GLIPR1L1: variants seen among roughly 807,000 people sequenced by gnomAD.
GLIPR1L1 encodes GLIPR1-like protein 1.
GLIPR1L1 carries 26 observed loss-of-function variants against 29.9 expected under a neutral mutation model. The observed-to-expected ratio is 0.87, with a 90% CI of 0.64 to 1.21. The LOEUF (loss-of-function observed/expected upper bound fraction) is 1.21, where lower values mean the gene tolerates loss of function less well. Among genes scored for constraint, GLIPR1L1 ranks in the 50% most tolerant of loss-of-function variants. The pLI, the probability that GLIPR1L1 is intolerant of heterozygous loss-of-function variation, is 0.00. For synonymous variants in GLIPR1L1, 77 were observed against 97.5 expected (o/e 0.79, Z 1.24); for missense variants, 305 against 290.3 (o/e 1.05, Z -0.37).
chr12:75,368,688 T>C (rs2139682568), intron 4 of GLIPR1L1, among the ~76,000 whole-genome samples: 1 of 152,124 alleles, frequency 6.6e-6, no homozygotes, highest in Middle Eastern at 3.4e-3. Context: ...GACTTCAAGT[T>C]TGTATTAGAC....
intron 4 of GLIPR1L1, 123 bp downstream of exon 4, chr12:75,363,313 A>T (rs2139621114): frequency 2.4e-6 from 1 of 422,426 alleles, no homozygotes; most frequent in East Asian, 3.8e-5. Context: ...TTGTTATCTT[A>T]CGATATAAAT....
intron 3 of GLIPR1L1, among the ~76,000 whole-genome samples, chr12:75,359,121 A>C (rs942118822): frequency 3.3e-5 from 5 of 150,494 alleles, no homozygotes; most frequent in African/African-American, 9.7e-5. Flanking sequence ...TAGGATACAA[A>C]ATTAGTATAC....
chr12:75,342,228 A>G (rs1371424749), intron 1 of GLIPR1L1, among the ~76,000 whole-genome samples: 2 of 152,200 alleles, frequency 1.3e-5, no homozygotes, highest in Non-Finnish European at 2.9e-5. Flanking sequence ...TTCAATTTAT[A>G]CATGTGATAA....
intron 1 of GLIPR1L1, among the ~76,000 whole-genome samples, chr12:75,339,316 A>G (rs1156570923): frequency 1.3e-5 from 2 of 152,076 alleles, no homozygotes; most frequent in Admixed American, 1.3e-4. Flanking sequence ...GATGGTATCC[A>G]ATTGTGGTTT....
chr12:75,337,446 A>G (rs566323522), intron 1 of GLIPR1L1, among the ~76,000 whole-genome samples: 13 of 152,060 alleles, frequency 8.5e-5, no homozygotes, highest in African/African-American at 2.6e-4. Flanking sequence ...ATGGATAGAT[A>G]GAGAATATTT....
Position 75,370,160 on chromosome 12 carries a change from T to C in GLIPR1L1, c.713T>C (p.Leu238Pro), listed in dbSNP as rs755383804. 8 of 1,560,392 alleles carry C rather than the reference T, an allele frequency of 5.1e-6. No individual in the cohort carries two copies. The highest frequency in any genetic ancestry group is 7.1e-6 in the Non-Finnish European group (8 of 1,133,314). Residue 238 changes from leucine to proline, a missense_variant, in exon 6 of 6, where the codon CTT (leucine) becomes CCT (proline). Transcript: ENST00000378695. ...AATCCATTCAGCTTAGGTTTTCTTCTTCTGAGAATCTTTTAATGTCATTTA... is the reference window on the plus strand; with the variant it reads ...AATCCATTCAGCTTAGGTTTTCTTCCTCTGAGAATCTTTTAATGTCATTTA... ...AFNPFSLGFLLLRIF is the reference protein window; with the variant it reads ...AFNPFSLGFLPLRIF
chr12:75,368,473 C>T (rs759858696), intron 4 of GLIPR1L1, among the ~76,000 whole-genome samples: 5 of 151,492 alleles, frequency 3.3e-5, no homozygotes, highest in South Asian at 2.1e-4. Context: ...TGTAAAATTT[C>T]GAAAGGTACC....
intron 3 of GLIPR1L1, 122 bp downstream of exon 3, chr12:75,347,844 C>T: frequency 6.9e-6 from 3 of 436,950 alleles, no homozygotes; most frequent in Non-Finnish European, 1.2e-5. Context: ...CTCTACAATG[C>T]TAATCAAATG....
At chr12:75,359,357 CTTTTTTTTTTTTTTTT>C (rs61616225) in intron 3 of GLIPR1L1, among the ~76,000 whole-genome samples, 2 of 28,600 alleles carry the variant, frequency 7.0e-5, no homozygotes, top group African/African-American at 2.8e-4. Flanking sequence ...GCATTGTTGT[CTTTTTTTTTTTTTTTT>C]TTTTTTTTTT....
At chr12:75,349,556 AAGAG>A (rs1565974516) in intron 3 of GLIPR1L1, among the ~76,000 whole-genome samples, 2 of 152,354 alleles carry the variant, frequency 1.3e-5, no homozygotes, top group East Asian at 3.9e-4. Flanking sequence ...TTATAATTAA[AAGAG>A]AAAGACATTA....
rs757432799 is a variant in GLIPR1L1 at position 75,343,693 on chromosome 12, A to G, written c.175A>G (p.Ile59Val). 6 of 1,591,774 alleles carry G rather than the reference A, an allele frequency of 3.8e-6. No homozygotes were observed. The South Asian group carries it at 6.8e-5, about 18-fold the overall frequency. The change falls in exon 2 of 6, where the codon ATT (isoleucine) becomes GTT (valine). Residue 59 changes from isoleucine to valine, a missense_variant and splice_region_variant. By Grantham distance (29) the Ile-to-Val change is conservative. Coordinates refer to ENST00000378695, the MANE Select transcript of GLIPR1L1 (RefSeq NM_001304964.2). Reference sequence around the variant, plus strand: ...AATTTAAATTATTTTTATCTTTCAGATTTGGGATAAAGGTTTAGCAAAGAT... The same window carrying G: ...AATTTAAATTATTTTTATCTTTCAGGTTTGGGATAAAGGTTTAGCAAAGAT... ...NPPAADMKYM[I>V]WDKGLAKMAK...
intron 3 of GLIPR1L1, 53 bp from the exon 4 acceptor site, chr12:75,363,049 A>T: frequency 2.1e-6 from 2 of 938,910 alleles, no homozygotes; most frequent in South Asian, 3.3e-5. Context: ...TGCATGAACA[A>T]AATTGGAGAA....
intron 1 of GLIPR1L1, among the ~76,000 whole-genome samples, chr12:75,342,629 C>G (rs1258460470): frequency 6.6e-6 from 1 of 152,038 alleles, no homozygotes; most frequent in Non-Finnish European, 1.5e-5. Context: ...GAGAAAGTCT[C>G]CAGTTTTATT....
At chr12:75,367,539 C>T (rs2044061994) in intron 4 of GLIPR1L1, among the ~76,000 whole-genome samples, 1 of 151,424 alleles carries the variant, frequency 6.6e-6, no homozygotes, top group Non-Finnish European at 1.5e-5. Flanking sequence ...GAAGGTCTTG[C>T]ACATCAAATT....
In GLIPR1L1 at chr12:75,334,744, A is replaced by G; in HGVS notation, c.16A>G (p.Lys6Glu). The G allele has an allele frequency of 6.2e-7, 1 of 1,613,970 alleles. No individual in the cohort carries two copies. Among genetic ancestry groups the G allele is most frequent in the Non-Finnish European group, 8.5e-7 (1 of 1,179,866 alleles). The change falls in exon 1 of 6, where the codon AAA becomes GAA. Residue 6 changes from lysine (K) to glutamate (E), a missense_variant. Coordinates refer to ENST00000378695, the MANE Select transcript of GLIPR1L1 (RefSeq NM_001304964.2). ...ACATCCTTCCATGGCTCTGAAGAAT[A>G]AATTCAGTTGTTTATGGATCTTGGG... MALKN[K>E]FSCLWILGLC...
chr12:75,348,365 T>C lies in GLIPR1L1; in HGVS notation c.521+643T>C, dbSNP rs1254506485. On this transcript the variant is annotated intron_variant, in intron 3 of 5. Transcript: ENST00000378695. ...AAACTGATGAAAAGGAGCTGAGATA[T>C]GCCAAAAGTACTAGAGAGAGGCAGA... 5.9e-5 allele frequency among the ~76,000 whole-genome samples: 9 copies of C among 152,218 alleles called. 1 individual carries two copies. The highest frequency in any genetic ancestry group is 1.3e-4 in the Non-Finnish European group (9 of 68,034).
At chr12:75,344,843 T>C (rs1316068293) in intron 2 of GLIPR1L1, among the ~76,000 whole-genome samples, 1 of 152,096 alleles carries the variant, frequency 6.6e-6, no homozygotes, top group African/African-American at 2.4e-5. Context: ...TAGCGTTTAG[T>C]CCAGAGCTGA....
chr12:75,366,133 T>C (rs1273324797), intron 4 of GLIPR1L1, among the ~76,000 whole-genome samples: 1 of 152,192 alleles, frequency 6.6e-6, no homozygotes, highest in African/African-American at 2.4e-5. Flanking sequence ...TGTGGGCTTA[T>C]TATTTTACTT....
intron 2 of GLIPR1L1, among the ~76,000 whole-genome samples, chr12:75,345,921 C>A (rs1480197181): frequency 6.6e-6 from 1 of 152,154 alleles, no homozygotes; most frequent in African/African-American, 2.4e-5. Flanking sequence ...CTAGTTTACA[C>A]ACAAGGTTAA....
Sources: allele counts gnomAD v4.1 joint callset (sites outside exome capture counted in the v4.1 genomes callset), GRCh38; gene constraint gnomAD v4.1.1; transcripts MANE v1.5; gene names NCBI Gene and HGNC (gene_info 2026-07-23, HGNC 2026-07-21).